The following PPP1R13L variants were observed in gnomAD, a reference collection of about 807,000 sequenced individuals.
PPP1R13L encodes the protein protein phosphatase 1 regulatory subunit 13 like.
In PPP1R13L, 50 loss-of-function variants were observed where a neutral mutation model predicts 80.9. The observed-to-expected ratio is 0.62, with a 90% CI of 0.49 to 0.78. The LOEUF (loss-of-function observed/expected upper bound fraction) is 0.78, where lower values mean the gene tolerates loss of function less well. Among genes scored for constraint, PPP1R13L ranks in the 30% least tolerant of loss-of-function variants. The pLI is 0.00. For missense variants in PPP1R13L, 1,200 were observed against 1,205.9 expected (o/e 1.00, Z 0.07); for synonymous variants, 602 against 534.3 (o/e 1.13, Z -1.75).
At chr19:45,386,007 C>T in intron 9 of PPP1R13L, 42 bp downstream of exon 9, 1 of 1,546,662 alleles carries the variant, frequency 6.5e-7, no homozygotes, top group Non-Finnish European at 8.7e-7. Context: ...CTGGCATCTG[C>T]GATGCCCCCG....
In PPP1R13L at chr19:45,396,068, C is replaced by G. The variant is rs1973082842; in HGVS notation, c.903+100G>C. 7.1e-7 allele frequency: 1 copy of G among 1,405,714 alleles called. No homozygotes were observed. Among genetic ancestry groups the G allele is most frequent in the Non-Finnish European group, 9.6e-7 (1 of 1,038,054 alleles). The allele number at this position is 1,405,714 out of a possible 1,614,324, so 87.1% of individuals were successfully genotyped here. A position where few individuals can be genotyped will look rare whatever the true frequency, so the allele number is the denominator to read the frequency against. On this transcript the variant is annotated intron_variant, in intron 6 of 12. Coordinates refer to ENST00000360957, the MANE Select transcript of PPP1R13L (RefSeq NM_006663.4). The surrounding 1 kb of genome is among the most constrained non-coding windows in gnomAD (Gnocchi z 5.3). ...AGAGCGTGGGAACGGGCGCCGAGAC[C>G]CAGATCGCAGCCCCGAGGGGGAGAC...
At chr19:45,398,939 A>G (rs954660628) in intron 1 of PPP1R13L, among the ~76,000 whole-genome samples, 11 of 151,046 alleles carry the variant, frequency 7.3e-5, no homozygotes, top group Non-Finnish European at 1.6e-4. Flanking sequence ...GCACTGTGCT[A>G]GATCCTGTTT....
chr19:45,405,089 C>T, upstream of PPP1R13L: 1 of 983,830 alleles, frequency 1.0e-6, no homozygotes, highest in Non-Finnish European at 1.2e-6. Context: ...GAGCTGGGAA[C>T]AGGTTAGACG....
chr19:45,397,372 C>T (rs962514379), intron 3 of PPP1R13L, among the ~76,000 whole-genome samples: 3 of 150,988 alleles, frequency 2.0e-5, no homozygotes, highest in Non-Finnish European at 4.4e-5. Flanking sequence ...TTCTTTCTCT[C>T]TCTTTCTTTT....
chr19:45,395,764 C>G lies in PPP1R13L; in HGVS notation c.1026G>C (p.Leu342Phe). 1 of 1,547,668 alleles carries G rather than the reference C, an allele frequency of 6.5e-7. No individual in the cohort carries two copies. Among genetic ancestry groups the G allele is most frequent in the Non-Finnish European group, 8.7e-7 (1 of 1,152,028 alleles). ...GGCTGACGGGCTGCCAGCTGCGAGG[C>G]AAAGTGCCCGACGGCCCCGCGGAGC... is the stretch of plus-strand genomic sequence containing the variant. ...SLGSAGPSGT[L>F]PRSWQPVSRI... is the part of the protein sequence containing the mutation. Residue 342 changes from leucine (L) to phenylalanine (F), a missense_variant, in exon 7 of 13, where the codon TTG becomes TTC. Physicochemically the swap from Leu to Phe is conservative, Grantham distance 22. Around this residue, in one of 5 missense-constraint regions of PPP1R13L, gnomAD observed 764 missense variants for 714.5 expected, o/e 1.07. Coordinates refer to ENST00000360957, the MANE Select transcript of PPP1R13L (RefSeq NM_006663.4).
At position 45,385,809 on chromosome 19, in the gene PPP1R13L, C is replaced by T. The variant is rs747416525; in HGVS notation, c.2081+15G>A. 1.7e-5 allele frequency: 27 copies of T among 1,608,340 alleles called. No homozygotes were observed. Among genetic ancestry groups the T allele is most frequent in the Non-Finnish European group, 2.3e-5 (27 of 1,178,024 alleles). On this transcript the variant is annotated intron_variant, in intron 10 of 12. Coordinates refer to ENST00000360957, the MANE Select transcript of PPP1R13L (RefSeq NM_006663.4). ...CCCACGGGGGACCCAGCCCACCGCG[C>T]GGGTCGGGGCTCACCAGCCGTGGCT...
chr19:45,388,002 C>G (rs947395194), intron 8 of PPP1R13L, among the ~76,000 whole-genome samples: 1 of 151,786 alleles, frequency 6.6e-6, no homozygotes, highest in African/African-American at 2.4e-5. Flanking sequence ...AACCCTGTCT[C>G]TACTAAAAAT....
In PPP1R13L at chr19:45,396,420, G is replaced by T; in HGVS notation, c.729C>A (p.Arg243=). The part of the protein sequence containing the change: ...PLRAQDDLTL[R]RRPPKAWNES... ...CGTTCCAGGCTTTCGGAGGCCGCCG[G>T]CGCAGCGTCAGGTCGTCTGGGGAGA... is the stretch of plus-strand genomic sequence containing the variant. The change falls in exon 5 of 13, where the codon CGC becomes CGA. Residue 243 remains arginine, a synonymous_variant. Transcript: ENST00000360957. This position sits in a 1 kb window ranked among gnomAD's most constrained non-coding sequence, Gnocchi z 5.3. 6.2e-7 allele frequency: 1 copy of T among 1,614,068 alleles called. No homozygotes were observed. The highest frequency in any genetic ancestry group is 8.5e-7 in the Non-Finnish European group (1 of 1,179,986).
rs1343888348 is a variant in PPP1R13L at position 45,397,500 on chromosome 19, T to TTCTC, written c.199-443_199-442insGAGA. 3.5e-5 allele frequency among the ~76,000 whole-genome samples: 5 copies of TTCTC among 144,912 alleles called. No individual in the cohort carries two copies. In the East Asian group the frequency reaches 1.0e-3, roughly 30 times the overall value. ...TTTCTTTCTTTCTTTCTTTCTTTCT[T>TTCTC]TCTTTCTTTCTTTCTTTTCTATCTC... On this transcript the variant is annotated intron_variant, in intron 3 of 12. Transcript: ENST00000360957.
chr19:45,396,512 G>C lies in PPP1R13L; in HGVS notation c.712+33C>G. 6.2e-7 allele frequency: 1 copy of C among 1,600,620 alleles called. No individual in the cohort carries two copies. The highest frequency in any genetic ancestry group is 8.5e-7 in the Non-Finnish European group (1 of 1,175,006). ...GATCCTGCCCGCTTTGACCCCGCGA[G>C]TCAAAGGCCCCGCGAGGGGCCCCTG... On this transcript the variant is annotated intron_variant, in intron 4 of 12. Coordinates refer to ENST00000360957, the MANE Select transcript of PPP1R13L (RefSeq NM_006663.4). The surrounding 1 kb of genome is among the most constrained non-coding windows in gnomAD (Gnocchi z 5.3).
intron 8 of PPP1R13L, among the ~76,000 whole-genome samples, chr19:45,389,249 C>T (rs1483165709): frequency 6.6e-6 from 1 of 152,140 alleles, no homozygotes; most frequent in African/African-American, 2.4e-5. Flanking sequence ...AATCCTGAGC[C>T]TCAAGGTTCC....
chr19:45,399,947 TAAA>T (rs775624530), intron 1 of PPP1R13L, among the ~76,000 whole-genome samples: 1 of 144,966 alleles, frequency 6.9e-6, no homozygotes, highest in Non-Finnish European at 1.5e-5. Context: ...AGGCTCTATT[TAAA>T]AAAAAAAAAA....
In PPP1R13L at chr19:45,396,088, G is replaced by A; in HGVS notation, c.903+80C>T. ...GAGACCCAGATCGCAGCCCCGAGGG[G>A]GAGACTGGCCTTGACCCCGCTCCCC... On this transcript the variant is annotated intron_variant, in intron 6 of 12. Transcript: ENST00000360957. The surrounding 1 kb of genome is among the most constrained non-coding windows in gnomAD (Gnocchi z 5.3). 1 of 1,477,230 alleles carries A rather than the reference G, an allele frequency of 6.8e-7. No homozygotes were observed. The highest frequency in any genetic ancestry group is 9.1e-7 in the Non-Finnish European group (1 of 1,093,720). The allele number at this position is 1,477,230 out of a possible 1,614,324, so 91.5% of individuals were successfully genotyped here.
intron 8 of PPP1R13L, 108 bp downstream of exon 8, chr19:45,391,772 G>T: frequency 1.2e-6 from 1 of 834,500 alleles, no homozygotes; most frequent in Non-Finnish European, 1.7e-6. Context: ...CTACTCAAAA[G>T]AGGAGAAAAC....
chr19:45,383,847 C>T (rs538773286), intron 11 of PPP1R13L, among the ~76,000 whole-genome samples: 2 of 152,054 alleles, frequency 1.3e-5, no homozygotes, highest in South Asian at 2.1e-4. Context: ...CTGCAACCTC[C>T]GCCTCCTGGG....
chr19:45,391,346 C>G lies in PPP1R13L; in HGVS notation c.1815+534G>C, dbSNP rs1972968568. On this transcript the variant is annotated intron_variant, in intron 8 of 12. Coordinates refer to ENST00000360957, the MANE Select transcript of PPP1R13L (RefSeq NM_006663.4). ...TGTTGTGCCAAGACTCAGTCATGTC[C>G]AGGTGTATGACTCGAGATTGCTGAA... Among the ~76,000 whole-genome samples, 3 of 152,144 alleles carry G rather than the reference C, an allele frequency of 2.0e-5. No homozygotes were observed. The South Asian group carries it at 6.2e-4, about 31-fold the overall frequency.
At position 45,386,032 on chromosome 19, in the gene PPP1R13L, C is replaced by A. The variant is rs754606166; in HGVS notation, c.1947+17G>T. 6.3e-7 allele frequency: 1 copy of A among 1,588,016 alleles called. No homozygotes were observed. Among genetic ancestry groups the A allele is most frequent in the South Asian group, 1.1e-5 (1 of 88,228 alleles). On this transcript the variant is annotated intron_variant, in intron 9 of 12. Transcript: ENST00000360957. The stretch of plus-strand genomic sequence containing the variant: ...CGATGCCCCCGCCGTGCCCACCTCC[C>A]GCTCAGCAGCGCTCACCTCCTTCAC...
intron 1 of PPP1R13L, 48 bp downstream of exon 1, chr19:45,404,951 G>A: frequency 1.0e-6 from 1 of 977,022 alleles, no homozygotes; most frequent in Non-Finnish European, 1.2e-6. Context: ...AGGGACGCGG[G>A]TGTTGGGCTT....
intron 7 of PPP1R13L, chr19:45,392,791 C>T (rs1345915948): frequency 1.9e-5 from 5 of 258,214 alleles, no homozygotes; most frequent in African/African-American, 4.6e-5. Context: ...GCAGAAAACT[C>T]CAGCAGGAAG....
Sources: allele counts gnomAD v4.1 joint callset (sites outside exome capture counted in the v4.1 genomes callset), GRCh38; gene constraint gnomAD v4.1.1; regional missense constraint gnomAD v4.1.1; non-coding constraint Gnocchi (gnomAD v3.1); transcripts MANE v1.5; gene names NCBI Gene and HGNC (gene_info 2026-07-23, HGNC 2026-07-21).